Variants in EPHB2 observed in about 807,000 individuals in gnomAD.
EPHB2 encodes the protein ephrin type-B receptor 2.
Under a neutral mutation model 96.4 loss-of-function variants are expected in EPHB2, and 18 were observed. That is an observed-to-expected ratio of 0.19 (90% confidence interval 0.13 to 0.28). The LOEUF is 0.28. EPHB2 is among the 10% of genes least tolerant of loss of function. The probability of loss-of-function intolerance (pLI) is 1.00; values close to 1 mark genes in which losing one functional copy is unlikely to be tolerated. For missense variants in EPHB2, 989 were observed against 1,355.4 expected (o/e 0.73, Z 4.25); for synonymous variants, 506 against 534.1 (o/e 0.95, Z 0.72).
At chr1:22,905,138 T>C (rs957168492) in intron 9 of EPHB2, among the ~76,000 whole-genome samples, 7 of 152,216 alleles carry the variant, frequency 4.6e-5, no homozygotes, top group African/African-American at 9.7e-5. Flanking sequence ...GCCGACTCAG[T>C]GCTGGCTGTT....
intron 3 of EPHB2, among the ~76,000 whole-genome samples, chr1:22,831,343 C>T (rs964696764): frequency 6.6e-6 from 1 of 152,012 alleles, no homozygotes; most frequent in African/African-American, 2.4e-5. Flanking sequence ...AGTGGCTGCC[C>T]CTTGCTACCT....
At chr1:22,759,452 T>A (rs1644204226) in intron 1 of EPHB2, among the ~76,000 whole-genome samples, 1 of 152,146 alleles carries the variant, frequency 6.6e-6, no homozygotes, top group Non-Finnish European at 1.5e-5. Flanking sequence ...CCCCATTATC[T>A]GTCTTGCCCC....
At chr1:22,874,130 C>T (rs1268925730) in intron 5 of EPHB2, among the ~76,000 whole-genome samples, 2 of 152,220 alleles carry the variant, frequency 1.3e-5, no homozygotes, top group African/African-American at 4.8e-5. Context: ...CACTCAGCTA[C>T]TCATGGTGCT....
chr1:22,919,603 G>C lies in EPHB2; in HGVS notation c.*6033G>C, dbSNP rs904929260. 1 of 152,876 alleles carries C rather than the reference G, an allele frequency of 6.5e-6. No homozygotes were observed. Among genetic ancestry groups the C allele is most frequent in the African/African-American group, 2.4e-5 (1 of 41,408 alleles). 9.5% of individuals were successfully genotyped at this position (152,876 alleles called of 1,614,324 possible). A position where few individuals can be genotyped will look rare whatever the true frequency, so the allele number is the denominator to read the frequency against. ...ATGCCCCACCACCACTACCAAGCCC[G>C]GCTACCCAGACCAAGACACGGCTTT... is the stretch of plus-strand genomic sequence containing the variant. On this transcript the variant is annotated 3_prime_UTR_variant, in exon 16 of 16. Transcript: ENST00000374630.
At chr1:22,892,061 T>C (rs1427692146) in intron 6 of EPHB2, among the ~76,000 whole-genome samples, 1 of 151,886 alleles carries the variant, frequency 6.6e-6, no homozygotes, top group African/African-American at 2.4e-5. Flanking sequence ...TCTCCCAGAG[T>C]TCTGGGATTA....
Position 22,860,877 on chromosome 1 carries a change from C to T in EPHB2, c.812-2160C>T, listed in dbSNP as rs1203092480. ...TCTGGGCAGTGCCAAGATGGTGAGG[C>T]TGCCCCTTCATCCAGCCATCAGGGA... is the stretch of plus-strand genomic sequence containing the variant. On this transcript the variant is annotated intron_variant, in intron 3 of 15. Transcript: ENST00000374630. This position sits in a 1 kb window ranked among gnomAD's most constrained non-coding sequence, Gnocchi z 4.6. Among the ~76,000 whole-genome samples the T allele has an allele frequency of 6.6e-6, 1 of 152,112 alleles. No individual in the cohort carries two copies. Among genetic ancestry groups the T allele is most frequent in the Non-Finnish European group, 1.5e-5 (1 of 68,034 alleles).
intron 3 of EPHB2, among the ~76,000 whole-genome samples, chr1:22,831,886 C>A (rs1212849113): frequency 6.6e-6 from 1 of 152,120 alleles, no homozygotes; most frequent in Admixed American, 6.6e-5. Flanking sequence ...GAGCTATCCA[C>A]CCCCCTACCT....
chr1:22,906,239 G>T lies in EPHB2; in HGVS notation c.1888+130G>T. On this transcript the variant is annotated intron_variant, in intron 10 of 15. Coordinates refer to ENST00000374630, the MANE Select transcript of EPHB2 (RefSeq NM_017449.5). The surrounding 1 kb of genome is among the most constrained non-coding windows in gnomAD (Gnocchi z 4.8). ...TCAAAGGACCCCCCAAGGCCTGAAG[G>T]TTCAGAATGACCATGAAAGAAGGGC... is the stretch of plus-strand genomic sequence containing the variant. 7.1e-7 allele frequency: 1 copy of T among 1,417,084 alleles called. No individual in the cohort carries two copies. Among genetic ancestry groups the T allele is most frequent in the Non-Finnish European group, 9.7e-7 (1 of 1,031,278 alleles). The allele number at this position is 1,417,084 out of a possible 1,614,324, so 87.8% of individuals were successfully genotyped here. A position where few individuals can be genotyped will look rare whatever the true frequency, so the allele number is the denominator to read the frequency against.
At position 22,914,311 on chromosome 1, in the gene EPHB2, C is replaced by T. The variant is rs1046362494; in HGVS notation, c.*741C>T. The T allele has an allele frequency of 2.9e-5, 5 of 171,046 alleles. No homozygotes were observed. The highest frequency in any genetic ancestry group is 6.3e-5 in the Non-Finnish European group (5 of 78,928). 10.6% of individuals were successfully genotyped at this position (171,046 alleles called of 1,614,324 possible). ...TGAGGATGGGCAACCCCCAGGTCTGCAGCTCCAGGTACATATCACGCGCAC... is the reference window on the plus strand; with the variant it reads ...TGAGGATGGGCAACCCCCAGGTCTGTAGCTCCAGGTACATATCACGCGCAC... On this transcript the variant is annotated 3_prime_UTR_variant, in exon 16 of 16. Transcript: ENST00000374630.
chr1:22,730,705 G>C (rs1192299565), intron 1 of EPHB2, among the ~76,000 whole-genome samples: 1 of 152,150 alleles, frequency 6.6e-6, no homozygotes, highest in Non-Finnish European at 1.5e-5. Flanking sequence ...GGGTGTGCAA[G>C]GCAGCCAGCG....
chr1:22,859,370 C>G (rs1294187277), intron 3 of EPHB2, among the ~76,000 whole-genome samples: 1 of 151,472 alleles, frequency 6.6e-6, no homozygotes, highest in African/African-American at 2.4e-5. Context: ...TGGGCAAGTA[C>G]CAGCCCCCTG....
In EPHB2 at chr1:22,858,945, C is replaced by T. The variant is rs1286308770; in HGVS notation, c.812-4092C>T. Among the ~76,000 whole-genome samples, 2 of 152,178 alleles carry T rather than the reference C, an allele frequency of 1.3e-5. No homozygotes were observed. Among genetic ancestry groups the T allele is most frequent in the Non-Finnish European group, 2.9e-5 (2 of 68,042 alleles). On this transcript the variant is annotated intron_variant, in intron 3 of 15. Transcript: ENST00000374630. The surrounding 1 kb of genome is among the most constrained non-coding windows in gnomAD (Gnocchi z 7.7). Reference sequence around the variant, plus strand: ...AGTTTACAGTCCAGCCAGGTAGACACATTCATAAGCAAGTAATTAAAATAG... The same window carrying T: ...AGTTTACAGTCCAGCCAGGTAGACATATTCATAAGCAAGTAATTAAAATAG...
At chr1:22,834,035 TAGTCTC>T (rs1645344616) in intron 3 of EPHB2, among the ~76,000 whole-genome samples, 1 of 107,906 alleles carries the variant, frequency 9.3e-6, no homozygotes, top group African/African-American at 3.6e-5. Context: ...ATCCTGAACT[TAGTCTC>T]AAAACACTTT....
In EPHB2 at chr1:22,893,038, T is replaced by C. The variant is rs1282208085; in HGVS notation, c.1583T>C (p.Met528Thr). ...RYSGKMYFQT[M>T]TEAEYQTSIQ... ...AGCGGCAAGATGTACTTCCAGACCA[T>C]GACAGAAGGTGAGCAGAGTCCAGCG... Residue 528 changes from methionine to threonine, a missense_variant, in exon 7 of 16, where the codon ATG (methionine) becomes ACG (threonine). Coordinates refer to ENST00000374630, the MANE Select transcript of EPHB2 (RefSeq NM_017449.5). The C allele has an allele frequency of 1.9e-6, 3 of 1,614,040 alleles. No homozygotes were observed. The highest frequency in any genetic ancestry group is 2.5e-6 in the Non-Finnish European group (3 of 1,180,050).
rs768668177 is a variant in EPHB2, at chr1:22,913,217, G to A, written c.2853-245G>A. The A allele has an allele frequency of 3.9e-4, 228 of 580,442 alleles. 7 individuals are homozygous for A. The highest frequency in any genetic ancestry group is 3.5e-4 in the Non-Finnish European group (114 of 324,498). The allele number at this position is 580,442 out of a possible 1,614,324, so 36.0% of individuals were successfully genotyped here. ...CGAAAAAGAAAGAAAATGTAAGCTG[G>A]CTTCCCCCTCCCAATAGCAGGGGAG... On this transcript the variant is annotated intron_variant, in intron 15 of 15. Coordinates refer to ENST00000374630, the MANE Select transcript of EPHB2 (RefSeq NM_017449.5). The surrounding 1 kb of genome is among the most constrained non-coding windows in gnomAD (Gnocchi z 4.1).
At chr1:22,760,498 C>G (rs907204691) in intron 1 of EPHB2, among the ~76,000 whole-genome samples, 2 of 152,182 alleles carry the variant, frequency 1.3e-5, no homozygotes, top group Non-Finnish European at 2.9e-5. Context: ...GCCCTCTTCC[C>G]CAGCTTCAGG....
intron 3 of EPHB2, among the ~76,000 whole-genome samples, chr1:22,786,877 G>T (rs1454778294): frequency 6.6e-6 from 1 of 152,218 alleles, no homozygotes; most frequent in Non-Finnish European, 1.5e-5. Context: ...AGAAAGGGCT[G>T]GTTTCTTGGG....
chr1:22,813,223 A>G (rs1645027200), intron 3 of EPHB2, among the ~76,000 whole-genome samples: 1 of 152,136 alleles, frequency 6.6e-6, no homozygotes, highest in Non-Finnish European at 1.5e-5. Context: ...GAGGTTCAGT[A>G]ACTTGTCACA....
rs1178632719 is a variant in EPHB2, at chr1:22,860,905, G to T, written c.812-2132G>T. Among the ~76,000 whole-genome samples the T allele has an allele frequency of 6.6e-6, 1 of 152,126 alleles. No individual in the cohort carries two copies. The highest frequency in any genetic ancestry group is 1.5e-5 in the Non-Finnish European group (1 of 68,016). ...CCCCTTCATCCAGCCATCAGGGAAA[G>T]GTCGGTGCCCAAGAGGAAGGCGAGA... On this transcript the variant is annotated intron_variant, in intron 3 of 15. Transcript: ENST00000374630. The surrounding 1 kb of genome is among the most constrained non-coding windows in gnomAD (Gnocchi z 4.6).
Sources: gnomAD v4.1 joint callset for allele counts (sites outside exome capture counted in the v4.1 genomes callset) on GRCh38, gnomAD v4.1.1 for gene constraint, Gnocchi (gnomAD v3.1) non-coding constraint, MANE v1.5 for transcripts, NCBI Gene and HGNC (gene_info 2026-07-23, HGNC 2026-07-21) for gene names.